The following REPS2 variants were observed in gnomAD, a reference collection of about 807,000 sequenced individuals.
REPS2 encodes the protein ralBP1-associated Eps domain-containing protein 2.
REPS2 carries 23 observed loss-of-function variants against 53.6 expected under a neutral mutation model. The observed-to-expected ratio is 0.43, with a 90% CI of 0.31 to 0.61. The LOEUF (loss-of-function observed/expected upper bound fraction) is 0.61. Ranked by LOEUF, REPS2 falls within the 20% of genes least tolerant of loss-of-function variation. REPS2 has a pLI of 0.11. For synonymous variants in REPS2, 238 were observed against 218.6 expected (o/e 1.09, Z -0.78); for missense variants, 446 against 534.9 (o/e 0.83, Z 1.64).
intron 1 of REPS2, among the ~76,000 whole-genome samples, chrX:16,988,978 G>T (rs1291536021): frequency 1.8e-5 from 2 of 111,549 alleles, no homozygotes; most frequent in Non-Finnish European, 3.8e-5. Flanking sequence ...AAAGGGAAAA[G>T]AACTAGACTA....
the REPS2 span, among the ~76,000 whole-genome samples, chrX:17,195,168 A>G: frequency 8.9e-6 from 1 of 112,168 alleles, no homozygotes; most frequent in Non-Finnish European, 1.9e-5. Flanking sequence ...CTCTCTTCAG[A>G]TAACCAAAGT....
chrX:16,967,756 C>T (rs751512960), intron 1 of REPS2, among the ~76,000 whole-genome samples: 2 of 110,481 alleles, frequency 1.8e-5, no homozygotes, highest in Non-Finnish European at 3.8e-5. Flanking sequence ...TTCCACTAAA[C>T]GTTTCTCTTG....
chrX:17,041,938 C>T (rs1436752668), intron 5 of REPS2, among the ~76,000 whole-genome samples: 1 of 111,882 alleles, frequency 8.9e-6, no homozygotes, highest in Non-Finnish European at 1.9e-5. Context: ...AATAGTATTA[C>T]TTTTTAATGA....
chrX:16,947,585 G>A (rs772447079), intron 1 of REPS2, among the ~76,000 whole-genome samples: 2 of 111,960 alleles, frequency 1.8e-5, no homozygotes, highest in Admixed American at 1.9e-4. Flanking sequence ...CGTAGGGTTC[G>A]AGGCCCAGGG....
chrX:17,154,888 T>G (rs763254386), downstream of REPS2, among the ~76,000 whole-genome samples: 84 of 111,686 alleles, frequency 7.5e-4, no homozygotes, highest in South Asian at 1.5e-3. Context: ...GAGGGGTATT[T>G]AACTCAGATT....
intron 13 of REPS2, among the ~76,000 whole-genome samples, chrX:17,085,675 T>A (rs773587659): frequency 1.8e-5 from 2 of 111,903 alleles, no homozygotes; most frequent in Non-Finnish European, 3.8e-5. Context: ...ACTGATAATT[T>A]TGTATTTCTT....
At chrX:17,158,038 T>C (rs1362111848), downstream of REPS2, among the ~76,000 whole-genome samples, 1 of 112,000 alleles carries the variant, frequency 8.9e-6, no homozygotes, top group East Asian at 2.8e-4. Context: ...AAATGTCAGA[T>C]TCCTTGAGAG....
Position 16,951,559 on chromosome X carries a change from A to ACACACACACACACACCC in REPS2, c.273+4426_273+4427insACACACACACACACCCC, listed in dbSNP as rs879259718. 7.5e-4 allele frequency among the ~76,000 whole-genome samples: 28 copies of ACACACACACACACACCC among 37,509 alleles called. 1 individual carries two copies. Among genetic ancestry groups the ACACACACACACACACCC allele is most frequent in the Admixed American group, 2.9e-3 (10 of 3,394 alleles). 32.6% of individuals were successfully genotyped at this position (37,509 alleles called of 115,157 possible). On this transcript the variant is annotated intron_variant, in intron 1 of 17. Coordinates refer to ENST00000357277, the MANE Select transcript of REPS2 (RefSeq NM_004726.3). ...CACACACACACACACACACACACAC[A>ACACACACACACACACCC]CCCCCGCTACCTACCTCTCTCTGGG...
intron 13 of REPS2, chrX:17,099,965 C>T (rs900605334): frequency 8.4e-5 from 97 of 1,155,694 alleles, no homozygotes; most frequent in Non-Finnish European, 9.8e-5. Flanking sequence ...TAATCTGCTC[C>T]GGCTCCAAAC....
intron 1 of REPS2, among the ~76,000 whole-genome samples, chrX:16,958,872 G>A (rs1311481289): frequency 9.0e-6 from 1 of 111,648 alleles, no homozygotes; most frequent in Non-Finnish European, 1.9e-5. Flanking sequence ...GAGCAGGAGT[G>A]GGAAACACTA....
At chrX:17,070,239 G>A (rs781374515) in intron 11 of REPS2, among the ~76,000 whole-genome samples, 2 of 111,946 alleles carry the variant, frequency 1.8e-5, no homozygotes, top group African/African-American at 3.2e-5. Flanking sequence ...GGATCACTCC[G>A]TGTGAATATA....
At chrX:17,133,689 A>T (rs1331181284) in intron 14 of REPS2, 135 bp from the exon 15 acceptor site, 2 of 537,621 alleles carry the variant, frequency 3.7e-6, no homozygotes, top group Non-Finnish European at 3.3e-6. Flanking sequence ...AAGGATCAGC[A>T]GACTTAAGCA....
chrX:17,127,761 C>T (rs1034215154), intron 14 of REPS2, among the ~76,000 whole-genome samples: 5 of 111,917 alleles, frequency 4.5e-5, no homozygotes, highest in East Asian at 2.8e-4. Flanking sequence ...CTGACATTTA[C>T]GAACTCACAG....
chrX:17,040,309 T>C (rs1342103925), intron 5 of REPS2, among the ~76,000 whole-genome samples: 1 of 112,734 alleles, frequency 8.9e-6, no homozygotes, highest in Non-Finnish European at 1.9e-5. Context: ...CATTATGTGA[T>C]AAATGCATAT....
chrX:17,118,105 G>A (rs1191798539), intron 14 of REPS2, among the ~76,000 whole-genome samples: 1 of 99,827 alleles, frequency 1.0e-5, no homozygotes, highest in Non-Finnish European at 2.0e-5. Context: ...GACTACAGGC[G>A]CCTGCCACTA....
intron 13 of REPS2, among the ~76,000 whole-genome samples, chrX:17,096,047 C>T (rs1192168041): frequency 6.2e-5 from 7 of 112,252 alleles, no homozygotes; most frequent in Admixed American, 5.6e-4. Context: ...GCTGTCTATA[C>T]TCAAAAGTCT....
At chrX:17,089,731 A>G (rs1324515399) in intron 13 of REPS2, among the ~76,000 whole-genome samples, 2 of 112,474 alleles carry the variant, frequency 1.8e-5, no homozygotes, top group African/African-American at 3.2e-5. Flanking sequence ...TTATTGCTGA[A>G]TAGTATTCCA....
chrX:16,957,859 C>G (rs2060615105), intron 1 of REPS2, among the ~76,000 whole-genome samples: 1 of 111,829 alleles, frequency 8.9e-6, no homozygotes, highest in South Asian at 3.7e-4. Flanking sequence ...AGTAACATCC[C>G]TGGTCTCTAC....
intron 11 of REPS2, among the ~76,000 whole-genome samples, chrX:17,071,110 A>G (rs2062297549): frequency 8.9e-6 from 1 of 112,305 alleles, no homozygotes; most frequent in African/African-American, 3.2e-5. Flanking sequence ...CCATGACTCC[A>G]AAAGTGATGG....
Sources: allele counts gnomAD v4.1 joint callset (sites outside exome capture counted in the v4.1 genomes callset), GRCh38; gene constraint gnomAD v4.1.1; transcripts MANE v1.5; gene names NCBI Gene and HGNC (gene_info 2026-07-23, HGNC 2026-07-21).